ADIPOR2: variants seen among roughly 807,000 people sequenced by gnomAD.
ADIPOR2 encodes adiponectin receptor 2.
In ADIPOR2, 18 loss-of-function variants were observed where a neutral mutation model predicts 40.9. The ratio of observed to expected loss-of-function variants is 0.44; its 90% CI spans 0.30 to 0.65. The LOEUF (loss-of-function observed/expected upper bound fraction) is 0.65, where lower values mean the gene tolerates loss of function less well. Among genes scored for constraint, ADIPOR2 ranks in the 30% least tolerant of loss-of-function variants. The pLI is 0.09. For missense variants in ADIPOR2, 283 were observed against 479.2 expected, an observed-to-expected ratio of 0.59 and a Z score of 3.82; for synonymous variants, 165 against 166.4, an observed-to-expected ratio of 0.99 and a Z score of 0.06.
chr12:1,695,948 T>A (rs1327602247), intron 1 of ADIPOR2: 1 of 152,884 alleles, frequency 6.5e-6, no homozygotes, highest in Non-Finnish European at 1.5e-5. Context: ...CTATACCTAA[T>A]CATCAAAGTT....
At chr12:1,714,731 G>A (rs1222092465) in intron 1 of ADIPOR2, among the ~76,000 whole-genome samples, 1 of 152,122 alleles carries the variant, frequency 6.6e-6, no homozygotes, top group Non-Finnish European at 1.5e-5. Flanking sequence ...CTGTCATTCT[G>A]TCATTTACGT....
intron 1 of ADIPOR2, among the ~76,000 whole-genome samples, chr12:1,747,388 GACAAAAACACAGCAT>G (rs143296599): frequency 0.045 from 6,782 of 152,166 alleles, 249 homozygotes; most frequent in East Asian, 0.18. Context: ...AAAATATCGA[GACAAAAACACAGCAT>G]ACCAAAACTT....
chr12:1,721,205 CTTTTTTTTTTTTTTTTTTTTTT>C (rs59268943), intron 1 of ADIPOR2, among the ~76,000 whole-genome samples: 1 of 58,182 alleles, frequency 1.7e-5, no homozygotes, highest in Non-Finnish European at 2.9e-5. Context: ...ATAAAATAAA[CTTTTTTTTTTTTTTTTTTTTTT>C]TTTTTTTTGA....
intron 1 of ADIPOR2, among the ~76,000 whole-genome samples, chr12:1,732,977 G>C (rs12582624): frequency 0.28 from 42,065 of 152,060 alleles, 6,404 homozygotes; most frequent in Admixed American, 0.44. Context: ...CAATTATTGG[G>C]ATCAAGGCCA....
chr12:1,745,200 A>C (rs1431052407), intron 1 of ADIPOR2, among the ~76,000 whole-genome samples: 2 of 152,154 alleles, frequency 1.3e-5, no homozygotes, highest in African/African-American at 2.4e-5. Context: ...CTTTTGCTCT[A>C]ACTGGATCAC....
chr12:1,715,620 T>G (rs968590769), intron 1 of ADIPOR2, among the ~76,000 whole-genome samples: 1 of 152,150 alleles, frequency 6.6e-6, no homozygotes, highest in Non-Finnish European at 1.5e-5. Context: ...TCTTTACCCC[T>G]ATCCAGCAGG....
intron 2 of ADIPOR2, among the ~76,000 whole-genome samples, chr12:1,759,299 T>A (rs1280853061): frequency 2.6e-5 from 4 of 152,256 alleles, no homozygotes; most frequent in African/African-American, 4.8e-5. Flanking sequence ...TTTTCTTTGT[T>A]TTTTTCCCTC....
At chr12:1,737,617 C>T (rs1250826703) in intron 1 of ADIPOR2, among the ~76,000 whole-genome samples, 2 of 152,156 alleles carry the variant, frequency 1.3e-5, no homozygotes, top group African/African-American at 2.4e-5. Flanking sequence ...GAGTCTCACT[C>T]TGTCACCCAG....
At chr12:1,701,153 A>C (rs542949722) in intron 1 of ADIPOR2, among the ~76,000 whole-genome samples, 27 of 144,896 alleles carry the variant, frequency 1.9e-4, no homozygotes, top group African/African-American at 6.9e-4. Flanking sequence ...TTTTGGAAAC[A>C]GGGTCTCACT....
chr12:1,707,970 A>C (rs917257473), intron 1 of ADIPOR2, among the ~76,000 whole-genome samples: 3 of 152,324 alleles, frequency 2.0e-5, no homozygotes, highest in East Asian at 3.9e-4. Flanking sequence ...TTGAATATAC[A>C]GTCAGCGCTC....
At chr12:1,783,447 T>C (rs1425653223) in intron 6 of ADIPOR2, among the ~76,000 whole-genome samples, 1 of 149,152 alleles carries the variant, frequency 6.7e-6, no homozygotes, top group East Asian at 2.0e-4. Context: ...TTGCCCAAGC[T>C]GGGGTGCAAT....
intron 1 of ADIPOR2, among the ~76,000 whole-genome samples, chr12:1,736,890 G>T (rs1037057999): frequency 2.0e-5 from 3 of 152,138 alleles, no homozygotes; most frequent in Non-Finnish European, 2.9e-5. Context: ...CATTCAGGAG[G>T]AGGTTGTTCA....
chr12:1,785,245 C>T (rs1372586070), intron 7 of ADIPOR2, among the ~76,000 whole-genome samples: 9 of 152,292 alleles, frequency 5.9e-5, no homozygotes, highest in African/African-American at 2.2e-4. Context: ...GATTACCCTT[C>T]TTGAGATGTG....
intron 1 of ADIPOR2, among the ~76,000 whole-genome samples, chr12:1,719,429 G>A (rs1210328009): frequency 6.6e-6 from 1 of 152,146 alleles, no homozygotes; most frequent in African/African-American, 2.4e-5. Context: ...ATTGACTTAG[G>A]TGTCAGGCAG....
intron 5 of ADIPOR2, 106 bp downstream of exon 5, chr12:1,780,743 CTTTT>C: frequency 3.9e-6 from 5 of 1,293,216 alleles, no homozygotes; most frequent in African/African-American, 1.6e-5. Flanking sequence ...CTCATGCAAA[CTTTT>C]TTTTTTTTAA....
chr12:1,694,644 C>A (rs867388478), intron 1 of ADIPOR2, among the ~76,000 whole-genome samples: 1 of 152,172 alleles, frequency 6.6e-6, no homozygotes, highest in Non-Finnish European at 1.5e-5. Context: ...TATGGAGGGC[C>A]AACTGTATAA....
intron 1 of ADIPOR2, among the ~76,000 whole-genome samples, chr12:1,745,424 T>C (rs187541888): frequency 2.6e-5 from 4 of 152,328 alleles, no homozygotes; most frequent in Admixed American, 2.6e-4. Flanking sequence ...TTTGTTCAAC[T>C]TAAATTTTTT....
intron 1 of ADIPOR2, among the ~76,000 whole-genome samples, chr12:1,722,678 A>G (rs2094700114): frequency 6.6e-6 from 1 of 152,228 alleles, no homozygotes; most frequent in Non-Finnish European, 1.5e-5. Context: ...AGTAAGGCCC[A>G]GATTCGAATC....
Position 1,777,899 on chromosome 12 carries a change from G to A in ADIPOR2, c.337G>A (p.Asp113Asn), listed in dbSNP as rs1862632715. 6.2e-7 allele frequency: 1 copy of A among 1,613,916 alleles called. No individual in the cohort carries two copies. The highest frequency in any genetic ancestry group is 8.5e-7 in the Non-Finnish European group (1 of 1,179,992). ...WRVIPHDVLP[D>N]WLKDNDFLLH... ...AGTGATCCCTCATGATGTACTACCAGACTGGCTCAAGGATAATGACTTCCT... is the reference window on the plus strand; with the variant it reads ...AGTGATCCCTCATGATGTACTACCAAACTGGCTCAAGGATAATGACTTCCT... The change falls in exon 4 of 8, where the codon GAC becomes AAC. Residue 113 changes from aspartate (D) to asparagine (N), a missense_variant. Physicochemically the swap from Asp to Asn is conservative, Grantham distance 23. This residue lies in a region of ADIPOR2 where 112 missense variants were observed against 249.5 expected (regional missense o/e 0.45). Transcript: ENST00000357103.
Sources: gnomAD v4.1 joint callset for allele counts (sites outside exome capture counted in the v4.1 genomes callset) on GRCh38, gnomAD v4.1.1 for gene constraint, gnomAD v4.1.1 regional missense constraint, MANE v1.5 for transcripts, NCBI Gene and HGNC (gene_info 2026-07-23, HGNC 2026-07-21) for gene names.